MYLK3: variants seen among roughly 807,000 people sequenced by gnomAD.
MYLK3 encodes the protein myosin light chain kinase 3, also known as MLC kinase.
MYLK3 carries 55 observed loss-of-function variants against 76.3 expected under a neutral mutation model. The observed-to-expected ratio is 0.72, with a 90% CI of 0.58 to 0.90. MYLK3 has a LOEUF of 0.90. Among genes scored for constraint, MYLK3 ranks in the 40% least tolerant of loss-of-function variants. MYLK3 has a pLI of 0.00. For missense variants in MYLK3, 973 were observed against 1,053.6 expected, an observed-to-expected ratio of 0.92 and a Z score of 1.06; for synonymous variants, 416 against 425.4, an observed-to-expected ratio of 0.98 and a Z score of 0.27.
chr16:46,732,442 C>G lies in MYLK3; in HGVS notation c.1228G>C (p.Gly410Arg). Residue 410 changes from glycine (G) to arginine (R), a missense_variant, in exon 4 of 13, where the codon GGG becomes CGG. Gly to Arg is a moderately radical substitution (Grantham distance 125). Transcript: ENST00000394809. ...LSPLQESSSP[G>R]GVKAEEEQRA... ...TGCTCCTCCTCTGCCTTCACTCCCCCGGGGCTGCTGCTCTCCTGCAGCGGG... is the reference window on the plus strand; with the variant it reads ...TGCTCCTCCTCTGCCTTCACTCCCCGGGGGCTGCTGCTCTCCTGCAGCGGG... 1 of 1,612,784 alleles carries G rather than the reference C, an allele frequency of 6.2e-7. No homozygotes were observed. Among genetic ancestry groups the G allele is most frequent in the Non-Finnish European group, 8.5e-7 (1 of 1,180,006 alleles).
At chr16:46,732,158 A>G in intron 4 of MYLK3, 50 bp downstream of exon 4, 2 of 1,470,390 alleles carry the variant, frequency 1.4e-6, no homozygotes, top group Non-Finnish European at 1.8e-6. Context: ...AGGGGCTCCA[A>G]ACTCCCTCCC....
In MYLK3 at chr16:46,727,301, T is replaced by C. The variant is rs1229781596; in HGVS notation, c.1849A>G (p.Thr617Ala). 6.2e-6 allele frequency: 10 copies of C among 1,614,002 alleles called. No homozygotes were observed. Among genetic ancestry groups the C allele is most frequent in the African/African-American group, 2.7e-5 (2 of 74,932 alleles). ...HLTELDVVLF[T>A]RQICEGVHYL... is the part of the protein sequence containing the mutation. ...TGCACACCCTCACAGATCTGCCTGG[T>C]GAACAGGACCACATCCAGCTCAGTC... The change falls in exon 8 of 13, where the codon ACC becomes GCC. Residue 617 changes from threonine (T) to alanine (A), a missense_variant. Physicochemically the swap from Thr to Ala is moderately conservative, Grantham distance 58. Around this residue, in one of 2 missense-constraint regions of MYLK3, gnomAD observed 332 missense variants for 416.6 expected, o/e 0.80. Transcript: ENST00000394809.
In MYLK3 at chr16:46,710,855, A is replaced by G. The variant is rs770472994; in HGVS notation, c.2115-66T>C. The G allele has an allele frequency of 5.3e-5, 84 of 1,593,028 alleles. No individual in the cohort carries two copies. In the Middle Eastern group the frequency reaches 8.2e-4, roughly 16 times the overall value. Reference sequence around the variant, plus strand: ...ATTTGCCAACATGCATTGGCAGAATAGAGAAGCTTACAGAGTTCAAGTGGA... The same window carrying G: ...ATTTGCCAACATGCATTGGCAGAATGGAGAAGCTTACAGAGTTCAAGTGGA... On this transcript the variant is annotated intron_variant, in intron 10 of 12. Coordinates refer to ENST00000394809, the MANE Select transcript of MYLK3 (RefSeq NM_182493.3).
At chr16:46,751,543 G>T (rs1424896805), upstream of MYLK3, among the ~76,000 whole-genome samples, 3 of 152,246 alleles carry the variant, frequency 2.0e-5, no homozygotes, top group Admixed American at 2.0e-4. Flanking sequence ...AGCCTCTTGG[G>T]CTTGGCCTGG....
intron 1 of MYLK3, among the ~76,000 whole-genome samples, chr16:46,759,193 G>A (rs887076255): frequency 1.3e-5 from 2 of 152,216 alleles, no homozygotes; most frequent in African/African-American, 4.8e-5. Context: ...CTGCACCCCT[G>A]GGCGAAGACT....
chr16:46,736,861 C>T (rs1271344079), intron 3 of MYLK3, among the ~76,000 whole-genome samples: 1 of 152,118 alleles, frequency 6.6e-6, no homozygotes, highest in African/African-American at 2.4e-5. Context: ...GCCCTGGGGA[C>T]CGGGACGTGC....
intron 9 of MYLK3, among the ~76,000 whole-genome samples, chr16:46,713,976 G>A (rs1356533396): frequency 2.6e-5 from 4 of 152,102 alleles, no homozygotes; most frequent in African/African-American, 7.2e-5. Context: ...ATCCACTGAT[G>A]GACACTAGGT....
Position 46,702,783 on chromosome 16 carries a change from G to A in MYLK3, c.*4921C>T, listed in dbSNP as rs1358146879. Among the ~76,000 whole-genome samples the A allele has an allele frequency of 6.6e-6, 1 of 152,118 alleles. No individual in the cohort carries two copies. Among genetic ancestry groups the A allele is most frequent in the Non-Finnish European group, 1.5e-5 (1 of 68,016 alleles). ...AAAAACACAAAAATTAGCTGGGCGT[G>A]GTGGCGCATGCCTGTAGTCCCAGCT... On this transcript the variant is annotated 3_prime_UTR_variant, in exon 13 of 13. Coordinates refer to ENST00000394809, the MANE Select transcript of MYLK3 (RefSeq NM_182493.3).
At chr16:46,715,622 G>A (rs1256753471) in intron 9 of MYLK3, among the ~76,000 whole-genome samples, 1 of 152,124 alleles carries the variant, frequency 6.6e-6, no homozygotes, top group African/African-American at 2.4e-5. Flanking sequence ...CTCCCAAAAT[G>A]TTTAAGATAA....
chr16:46,741,108 T>C (rs544717567), intron 1 of MYLK3, among the ~76,000 whole-genome samples: 1 of 152,216 alleles, frequency 6.6e-6, no homozygotes, highest in Admixed American at 6.5e-5. Context: ...TTGGCCAAGA[T>C]CCTTAAATTC....
At chr16:46,751,010 A>G (rs2143017619), upstream of MYLK3, among the ~76,000 whole-genome samples, 1 of 152,108 alleles carries the variant, frequency 6.6e-6, no homozygotes, top group South Asian at 2.1e-4. Flanking sequence ...AATAAAAATA[A>G]TAATAAATAA....
At chr16:46,743,247 G>A (rs890444564) in intron 1 of MYLK3, among the ~76,000 whole-genome samples, 2 of 152,192 alleles carry the variant, frequency 1.3e-5, no homozygotes, top group Non-Finnish European at 1.5e-5. Context: ...GATCTCAGGA[G>A]GACCTTCAAA....
chr16:46,728,593 C>T (rs149448948), intron 7 of MYLK3, among the ~76,000 whole-genome samples: 52 of 152,200 alleles, frequency 3.4e-4, no homozygotes, highest in Non-Finnish European at 5.1e-4. Flanking sequence ...TTGTGGCACA[C>T]GCCTGTGGTC....
intron 1 of MYLK3, among the ~76,000 whole-genome samples, chr16:46,741,559 C>T (rs939349802): frequency 2.0e-5 from 3 of 152,224 alleles, no homozygotes; most frequent in East Asian, 1.9e-4. Flanking sequence ...AGCAGCAGTG[C>T]CAGCCACAGC....
At chr16:46,755,620 A>C (rs947123496) in intron 1 of MYLK3, among the ~76,000 whole-genome samples, 6 of 152,196 alleles carry the variant, frequency 3.9e-5, no homozygotes, top group African/African-American at 1.4e-4. Context: ...TGGGACCTGG[A>C]GTCAGACTGC....
chr16:46,708,952 A>G (rs1567279621), intron 12 of MYLK3, among the ~76,000 whole-genome samples: 1 of 152,242 alleles, frequency 6.6e-6, no homozygotes, highest in African/African-American at 2.4e-5. Flanking sequence ...CACTGAGAAC[A>G]TATGCTTAAG....
chr16:46,722,791 C>T (rs207475876), intron 8 of MYLK3, among the ~76,000 whole-genome samples: 1 of 152,172 alleles, frequency 6.6e-6, no homozygotes, highest in South Asian at 2.1e-4. Flanking sequence ...CTCACTGCAA[C>T]CTCCGCCTCC....
At chr16:46,730,543 C>A in intron 5 of MYLK3, 50 bp downstream of exon 5, 1 of 1,508,712 alleles carries the variant, frequency 6.6e-7, no homozygotes. Flanking sequence ...CCCGACCCTG[C>A]CCCGTGACTC....
Position 46,702,791 on chromosome 16 carries a change from A to C in MYLK3, c.*4913T>G, listed in dbSNP as rs1435166416. On this transcript the variant is annotated 3_prime_UTR_variant, in exon 13 of 13. Transcript: ENST00000394809. The stretch of plus-strand genomic sequence containing the variant: ...AAAAATTAGCTGGGCGTGGTGGCGC[A>C]TGCCTGTAGTCCCAGCTACTTGGGA... 6.6e-6 allele frequency among the ~76,000 whole-genome samples: 1 copy of C among 152,038 alleles called. No homozygotes were observed. The highest frequency in any genetic ancestry group is 2.4e-5 in the African/African-American group (1 of 41,382).
Sources: gnomAD v4.1 joint callset for allele counts (sites outside exome capture counted in the v4.1 genomes callset) on GRCh38, gnomAD v4.1.1 for gene constraint, gnomAD v4.1.1 regional missense constraint, MANE v1.5 for transcripts, NCBI Gene and HGNC (gene_info 2026-07-23, HGNC 2026-07-21) for gene names.